The following SPMIP2 variants were observed in gnomAD, a reference collection of about 807,000 sequenced individuals.
SPMIP2 encodes sperm microtubule inner protein 2.
At chr4:159,005,682 A>G in the SPMIP2 span, among the ~76,000 whole-genome samples, 1 of 152,230 alleles carries the variant, frequency 6.6e-6, no homozygotes, top group Admixed American at 6.5e-5. Context: ...ACATTTTGTT[A>G]ATAACTTTCA....
chr4:159,048,362 T>C, the SPMIP2 span, among the ~76,000 whole-genome samples: 2 of 152,230 alleles, frequency 1.3e-5, no homozygotes, highest in Non-Finnish European at 2.9e-5. Flanking sequence ...TGTGCTGCTC[T>C]CACGGCGCAT....
chr4:159,059,999 A>T, the SPMIP2 span, among the ~76,000 whole-genome samples: 5 of 152,198 alleles, frequency 3.3e-5, no homozygotes, highest in African/African-American at 1.2e-4. Context: ...AAGTCCCACC[A>T]GGCACTCAGG....
chr4:159,002,356 TAA>T, the SPMIP2 span, among the ~76,000 whole-genome samples: 52,180 of 151,854 alleles, frequency 0.34, 9,410 homozygotes, highest in Middle Eastern at 0.41. Flanking sequence ...TTAATTTTGA[TAA>T]AGTTTACTTT....
chr4:158,933,866 A>G, the SPMIP2 span, among the ~76,000 whole-genome samples: 3 of 152,188 alleles, frequency 2.0e-5, no homozygotes, highest in Non-Finnish European at 4.4e-5. Flanking sequence ...TCAAACCAAC[A>G]TCAACATATT....
chr4:159,069,843 G>C, the SPMIP2 span, among the ~76,000 whole-genome samples: 3 of 151,352 alleles, frequency 2.0e-5, no homozygotes, highest in African/African-American at 7.3e-5. Flanking sequence ...TTTAAATATT[G>C]TCTCTATTTT....
chr4:159,076,513 C>T, the SPMIP2 span, among the ~76,000 whole-genome samples: 1 of 151,984 alleles, frequency 6.6e-6, no homozygotes, highest in African/African-American at 2.4e-5. Context: ...TTTTAAATGC[C>T]TAATAAAAGC....
chr4:158,952,037 G>C, the SPMIP2 span, among the ~76,000 whole-genome samples: 7 of 152,130 alleles, frequency 4.6e-5, no homozygotes, highest in Non-Finnish European at 1.0e-4. Context: ...TGTATTTCTG[G>C]GGTAATCTGG....
At chr4:159,042,350 T>C in the SPMIP2 span, among the ~76,000 whole-genome samples, 10 of 152,370 alleles carry the variant, frequency 6.6e-5, 1 homozygote, top group African/African-American at 2.4e-4. Flanking sequence ...ACCTGTTTTA[T>C]CAAGCCAGTG....
At chr4:159,034,901 AC>A in the SPMIP2 span, 2 of 697,462 alleles carry the variant, frequency 2.9e-6, no homozygotes, top group African/African-American at 1.8e-5. Flanking sequence ...AAAAAAAAAA[AC>A]CCAAAAAACA....
At chr4:158,948,295 TG>T in the SPMIP2 span, among the ~76,000 whole-genome samples, 4 of 152,064 alleles carry the variant, frequency 2.6e-5, no homozygotes, top group African/African-American at 7.2e-5. Flanking sequence ...AGCTGCCTCT[TG>T]GGGGGAAAAA....
At chr4:158,913,048 G>A in the SPMIP2 span, among the ~76,000 whole-genome samples, 1 of 152,162 alleles carries the variant, frequency 6.6e-6, no homozygotes, top group Non-Finnish European at 1.5e-5. Flanking sequence ...ATTCAGAACT[G>A]GCCTGGATTC....
the SPMIP2 span, among the ~76,000 whole-genome samples, chr4:158,922,885 T>A: frequency 6.6e-6 from 1 of 152,226 alleles, no homozygotes. Flanking sequence ...TCAAGAATTG[T>A]CCATGTTGTA....
the SPMIP2 span, among the ~76,000 whole-genome samples, chr4:158,917,199 A>C: frequency 2.6e-5 from 4 of 151,188 alleles, no homozygotes; most frequent in African/African-American, 9.7e-5. Context: ...GCAGTGAGCC[A>C]AGATCACACC....
chr4:159,008,884 G>T, the SPMIP2 span, among the ~76,000 whole-genome samples: 2 of 152,148 alleles, frequency 1.3e-5, no homozygotes, highest in African/African-American at 2.4e-5. Flanking sequence ...ATGTAGCCAG[G>T]ACTCAAGCAG....
the SPMIP2 span, among the ~76,000 whole-genome samples, chr4:159,011,754 CAAA>C: frequency 6.8e-6 from 1 of 146,076 alleles, no homozygotes; most frequent in African/African-American, 2.6e-5. Context: ...AACTCCATCC[CAAA>C]AAAAAAAAAA....
the SPMIP2 span, among the ~76,000 whole-genome samples, chr4:158,897,776 C>G: frequency 6.6e-6 from 1 of 152,116 alleles, no homozygotes; most frequent in Non-Finnish European, 1.5e-5. Flanking sequence ...AATTTTCTCC[C>G]ATTCTGTAAG....
chr4:159,020,597 T>A, the SPMIP2 span, among the ~76,000 whole-genome samples: 7 of 152,192 alleles, frequency 4.6e-5, no homozygotes, highest in African/African-American at 1.7e-4. Context: ...TCTGCGAGGC[T>A]ACCCTATGCC....
chr4:159,081,955 A>G, the SPMIP2 span, among the ~76,000 whole-genome samples: 1 of 152,080 alleles, frequency 6.6e-6, no homozygotes, highest in Non-Finnish European at 1.5e-5. Context: ...ATATTTTCCC[A>G]TCCAGACTCT....
chr4:158,902,410 A>T, the SPMIP2 span, among the ~76,000 whole-genome samples: 2 of 152,124 alleles, frequency 1.3e-5, no homozygotes, highest in African/African-American at 2.4e-5. Context: ...CTCCTGTATG[A>T]GGTTCTGTCG....
Sources: allele counts gnomAD v4.1 joint callset (sites outside exome capture counted in the v4.1 genomes callset), GRCh38; gene constraint gnomAD v4.1.1; transcripts MANE v1.5; gene names NCBI Gene and HGNC (gene_info 2026-07-23, HGNC 2026-07-21).